PKN2: variants seen among roughly 807,000 people sequenced by gnomAD.
PKN2 encodes the protein serine/threonine-protein kinase N2.
PKN2 carries 38 observed loss-of-function variants against 119.1 expected under a neutral mutation model. That is an observed-to-expected ratio of 0.32 (90% CI 0.25 to 0.42). The LOEUF (loss-of-function observed/expected upper bound fraction) is 0.42, where lower values mean the gene tolerates loss of function less well. PKN2 is among the 10% of genes least tolerant of loss of function. PKN2 has a pLI of 1.00. For missense variants in PKN2, 850 were observed against 1,165.1 expected (o/e 0.73, Z 3.94); for synonymous variants, 390 against 384.9 (o/e 1.01, Z -0.15).
intron 1 of PKN2, among the ~76,000 whole-genome samples, chr1:88,689,442 T>G (rs928953375): frequency 6.6e-6 from 1 of 152,224 alleles, no homozygotes; most frequent in African/African-American, 2.4e-5. Context: ...TGGTTCTAGA[T>G]GAGTGGATCT....
intron 1 of PKN2, among the ~76,000 whole-genome samples, chr1:88,703,130 T>A (rs1039247383): frequency 2.0e-5 from 3 of 152,172 alleles, no homozygotes; most frequent in Non-Finnish European, 2.9e-5. Flanking sequence ...CAGTAGTTAT[T>A]TATGTAAATG....
Position 88,820,179 on chromosome 1 carries a change from CCTATATATAT to C in PKN2, c.2280-1761_2280-1752del, listed in dbSNP as rs1167149403. Among the ~76,000 whole-genome samples, 14 of 65,472 alleles carry C rather than the reference CCTATATATAT, an allele frequency of 2.1e-4. 1 individual carries two copies. The East Asian group carries it at 6.4e-3, about 30-fold the overall frequency. The allele number at this position is 65,472 out of a possible 152,430, so 43.0% of individuals were successfully genotyped here. On this transcript the variant is annotated intron_variant, in intron 16 of 21. Coordinates refer to ENST00000370521, the MANE Select transcript of PKN2 (RefSeq NM_006256.4). Reference sequence around the variant, plus strand: ...TAAATCAAACAAATCTTTTCAGAAACCTATATATATATATATATATATATATATATATATA... The same window carrying C: ...TAAATCAAACAAATCTTTTCAGAAACATATATATATATATATATATATATA...
At chr1:88,725,681 G>A (rs1300724376) in intron 1 of PKN2, among the ~76,000 whole-genome samples, 1 of 152,042 alleles carries the variant, frequency 6.6e-6, no homozygotes, top group Non-Finnish European at 1.5e-5. Flanking sequence ...TTCTATTATG[G>A]TATGCACTTA....
chr1:88,771,616 A>T (rs1669897592), intron 5 of PKN2, 47 bp from the exon 6 acceptor site: 3 of 1,578,838 alleles, frequency 1.9e-6, no homozygotes, highest in African/African-American at 1.4e-5. Flanking sequence ...CATTATTCAA[A>T]GTATGTGATT....
Position 88,741,112 on chromosome 1 carries a change from A to G in PKN2, c.173A>G (p.Lys58Arg). 1.2e-6 allele frequency: 2 copies of G among 1,612,896 alleles called. No homozygotes were observed. The highest frequency in any genetic ancestry group is 8.5e-7 in the Non-Finnish European group (1 of 1,179,474). The change falls in exon 2 of 22, where the codon AAA (lysine) becomes AGA (arginine). Residue 58 changes from lysine to arginine, a missense_variant. Coordinates refer to ENST00000370521, the MANE Select transcript of PKN2 (RefSeq NM_006256.4). The part of the protein sequence containing the change: ...IKDRIKREIR[K>R]ELKIKEGAEN... ...GATCGAATTAAGAGAGAAATAAGGA[A>G]AGAACTGAAAATCAAAGAAGGAGCT... is the stretch of plus-strand genomic sequence containing the variant.
intron 1 of PKN2, among the ~76,000 whole-genome samples, chr1:88,691,326 A>G (rs1321199075): frequency 6.6e-6 from 1 of 152,060 alleles, no homozygotes; most frequent in African/African-American, 2.4e-5. Flanking sequence ...TGGCCTCCCA[A>G]AGTGCTAGGA....
chr1:88,828,487 G>A lies in PKN2; in HGVS notation c.2426G>A (p.Gly809Glu). 1 of 1,608,252 alleles carries A rather than the reference G, an allele frequency of 6.2e-7. No individual in the cohort carries two copies. ...ADFGLCKEGM[G>E]YGDRTSTFCG... ...TACATTTTATCTTTTCCAGGAATGG[G>A]ATATGGAGATAGAACAAGCACATTT... The change falls in exon 19 of 22, where the codon GGA becomes GAA. Residue 809 changes from glycine (G) to glutamate (E), a missense_variant. Physicochemically the swap from Gly to Glu is moderately conservative, Grantham distance 98. Transcript: ENST00000370521.
chr1:88,807,270 T>C (rs765823844), intron 12 of PKN2, 43 bp from the exon 13 acceptor site: 10 of 1,265,062 alleles, frequency 7.9e-6, no homozygotes, highest in Non-Finnish European at 1.1e-5. Context: ...TAAGTTGTTT[T>C]CTGGGTATTT....
chr1:88,741,835 TAAG>T (rs201499371), intron 2 of PKN2, among the ~76,000 whole-genome samples: 1,524 of 152,030 alleles, frequency 0.01, 21 homozygotes, highest in African/African-American at 0.035. Context: ...TTATAGAAAA[TAAG>T]AGGAAAATAT....
chr1:88,787,592 T>C (rs1175444516), intron 8 of PKN2, among the ~76,000 whole-genome samples: 1 of 152,178 alleles, frequency 6.6e-6, no homozygotes, highest in African/African-American at 2.4e-5. Flanking sequence ...CAGCAGAAGA[T>C]GAAGAGTGCC....
chr1:88,816,455 C>T (rs1050781018), intron 16 of PKN2, among the ~76,000 whole-genome samples: 7 of 152,132 alleles, frequency 4.6e-5, no homozygotes, highest in African/African-American at 1.7e-4. Flanking sequence ...CTCTATTGGC[C>T]AGGCTGGTCT....
intron 2 of PKN2, among the ~76,000 whole-genome samples, chr1:88,755,038 T>G (rs767000751): frequency 5.9e-5 from 9 of 152,324 alleles, no homozygotes; most frequent in Middle Eastern, 6.8e-3. Context: ...TTAGTTTCTT[T>G]AGCCAGCAAA....
At chr1:88,736,651 G>A (rs1001676414) in intron 1 of PKN2, among the ~76,000 whole-genome samples, 3 of 152,072 alleles carry the variant, frequency 2.0e-5, no homozygotes, top group South Asian at 4.1e-4. Flanking sequence ...CACTGTGCCC[G>A]ACCCCTGAAT....
chr1:88,693,175 A>G (rs1666397120), intron 1 of PKN2, among the ~76,000 whole-genome samples: 1 of 152,176 alleles, frequency 6.6e-6, no homozygotes, highest in Admixed American at 6.5e-5. Context: ...GTCATTAATA[A>G]TATTTTATTC....
chr1:88,770,268 T>C (rs1669832440), intron 3 of PKN2, 84 bp from the exon 4 acceptor site: 7 of 713,040 alleles, frequency 9.8e-6, no homozygotes, highest in Admixed American at 2.4e-5. Flanking sequence ...CTTGCTGATA[T>C]ATCACTTGAT....
At chr1:88,822,040 T>C in intron 17 of PKN2, 37 bp downstream of exon 17, 1 of 1,442,900 alleles carries the variant, frequency 6.9e-7, no homozygotes, top group Non-Finnish European at 9.2e-7. Flanking sequence ...TGGCTTGCTT[T>C]GGTATGATTT....
intron 2 of PKN2, among the ~76,000 whole-genome samples, chr1:88,752,142 G>T (rs1289462236): frequency 2.0e-5 from 3 of 151,978 alleles, no homozygotes. Context: ...TTCCTTCTAC[G>T]TAGTTTTTTG....
At chr1:88,784,389 C>T (rs757909020) in intron 6 of PKN2, among the ~76,000 whole-genome samples, 5 of 151,896 alleles carry the variant, frequency 3.3e-5, no homozygotes, top group Non-Finnish European at 5.9e-5. Flanking sequence ...GGATTACAGG[C>T]GAGAGAGCTA....
At chr1:88,823,793 G>A (rs957663510) in intron 17 of PKN2, among the ~76,000 whole-genome samples, 3 of 148,762 alleles carry the variant, frequency 2.0e-5, no homozygotes, top group Admixed American at 6.7e-5. Context: ...AGCGGATCAC[G>A]AGGTCAGAAG....
Sources: gnomAD v4.1 joint callset for allele counts (sites outside exome capture counted in the v4.1 genomes callset) on GRCh38, gnomAD v4.1.1 for gene constraint, MANE v1.5 for transcripts, NCBI Gene and HGNC (gene_info 2026-07-23, HGNC 2026-07-21) for gene names.